The following ZNF638 variants were observed in gnomAD, a reference collection of about 807,000 sequenced individuals.
ZNF638 encodes CTCL tumor antigen se33-1.
In ZNF638, 46 loss-of-function variants were observed where a neutral mutation model predicts 195.6. That is an observed-to-expected ratio of 0.24 (90% CI 0.19 to 0.30). ZNF638 has a LOEUF of 0.30. Ranked by LOEUF, ZNF638 falls within the 10% of genes least tolerant of loss-of-function variation. The pLI is 1.00. For missense variants in ZNF638, 2,440 were observed against 2,325.3 expected, an observed-to-expected ratio of 1.05 and a Z score of -1.01; for synonymous variants, 845 against 772.0, an observed-to-expected ratio of 1.09 and a Z score of -1.57.
At chr2:71,433,453 C>T in intron 27 of ZNF638, 170 bp downstream of exon 27, 1 of 560,260 alleles carries the variant, frequency 1.8e-6, no homozygotes, top group South Asian at 2.3e-5. Context: ...AATTTCTAGT[C>T]CTTATTCCTT....
chr2:71,433,368 C>T, intron 27 of ZNF638, 85 bp downstream of exon 27: 8 of 981,422 alleles, frequency 8.2e-6, no homozygotes, highest in Non-Finnish European at 1.3e-5. Flanking sequence ...GTACATTTCC[C>T]CCCGCTTTAG....
rs1034925742 is a variant in ZNF638 at position 71,342,842 on chromosome 2, T to C, written c.-202-5911T>C. On this transcript the variant is annotated intron_variant, in intron 1 of 27. Coordinates refer to ENST00000264447, the MANE Select transcript of ZNF638 (RefSeq NM_014497.5). ...ATAGCTGACGTCTATCAAATAGTCC[T>C]GAGGGTGCGAAGACTAATGTTTTAG... 4.6e-5 allele frequency among the ~76,000 whole-genome samples: 7 copies of C among 152,164 alleles called. No homozygotes were observed. The South Asian group carries it at 1.4e-3, about 31-fold the overall frequency.
intron 8 of ZNF638, among the ~76,000 whole-genome samples, chr2:71,378,475 A>T (rs984862774): frequency 5.3e-5 from 8 of 152,232 alleles, no homozygotes; most frequent in Non-Finnish European, 4.4e-5. Context: ...GATGAAATTC[A>T]GATCAATTAA....
intron 10 of ZNF638, among the ~76,000 whole-genome samples, chr2:71,391,044 A>C (rs187120637): frequency 3.3e-5 from 5 of 152,254 alleles, no homozygotes; most frequent in Admixed American, 2.0e-4. Flanking sequence ...CTTTAAAGGG[A>C]GGGAAATAAC....
In ZNF638 at chr2:71,405,602, A is replaced by G; in HGVS notation, c.2960A>G (p.Glu987Gly). Residue 987 changes from glutamate (E) to glycine (G), a missense_variant and splice_region_variant, in exon 18 of 28, where the codon GAA (glutamate) becomes GGA (glycine). Glu to Gly is a moderately conservative substitution (Grantham distance 98). Around this residue, in one of 5 missense-constraint regions of ZNF638, gnomAD observed 1,883 missense variants for 1,739.1 expected, o/e 1.08. Transcript: ENST00000264447. ...APENMNIKDE[E>G]AIFITLVKEN... ...CCTTTATCTATTTTTGCTTTTTAGG[A>G]AGCTATATTTATAACCTTGGTAAAA... The G allele has an allele frequency of 6.4e-7, 1 of 1,565,158 alleles. No homozygotes were observed. Among genetic ancestry groups the G allele is most frequent in the South Asian group, 1.2e-5 (1 of 84,978 alleles).
At chr2:71,433,109 A>G (rs1269284540) in intron 26 of ZNF638, 56 bp from the exon 27 acceptor site, 25 of 1,286,584 alleles carry the variant, frequency 1.9e-5, no homozygotes, top group Non-Finnish European at 2.5e-5. Flanking sequence ...AAATCGATGA[A>G]CACAACTGGA....
At chr2:71,348,514 G>A in intron 1 of ZNF638, 8 of 1,158,322 alleles carry the variant, frequency 6.9e-6, no homozygotes, top group Non-Finnish European at 8.6e-6. Context: ...ACAGCACCCA[G>A]TGCAACACAA....
At chr2:71,390,129 C>T (rs776678695) in intron 10 of ZNF638, among the ~76,000 whole-genome samples, 4 of 152,144 alleles carry the variant, frequency 2.6e-5, no homozygotes, top group Non-Finnish European at 5.9e-5. Flanking sequence ...AAAGGGGAAA[C>T]GTTGGGCAAA....
chr2:71,418,451 A>G lies in ZNF638; in HGVS notation c.3262-151A>G, dbSNP rs560917416. On this transcript the variant is annotated intron_variant, in intron 20 of 27. Transcript: ENST00000264447. Reference sequence around the variant, plus strand: ...AATTAGAAAAAAATTCTAGAACCTGATAGTAATGTAGACACTGAAAACTAG... The same window carrying G: ...AATTAGAAAAAAATTCTAGAACCTGGTAGTAATGTAGACACTGAAAACTAG... The G allele has an allele frequency of 5.8e-4, 253 of 435,804 alleles. 6 individuals are homozygous for G. In the South Asian group the frequency reaches 0.017, roughly 29 times the overall value. The allele number at this position is 435,804 out of a possible 1,614,324, so 27.0% of individuals were successfully genotyped here.
chr2:71,398,595 A>G, intron 11 of ZNF638, 106 bp from the exon 12 acceptor site: 2 of 896,572 alleles, frequency 2.2e-6, no homozygotes, highest in Non-Finnish European at 1.8e-6. Context: ...TATGTTTTGA[A>G]TAAAACACAG....
intron 8 of ZNF638, among the ~76,000 whole-genome samples, chr2:71,374,214 T>A (rs2079375201): frequency 6.6e-6 from 1 of 152,248 alleles, no homozygotes; most frequent in African/African-American, 2.4e-5. Context: ...CAGCATAATA[T>A]AGGATTGGAA....
chr2:71,339,154 T>A, intron 1 of ZNF638, among the ~76,000 whole-genome samples: 1 of 135,208 alleles, frequency 7.4e-6, no homozygotes, highest in South Asian at 2.2e-4. Flanking sequence ...GTTTAGGTTT[T>A]TTTTTTTTTT....
At chr2:71,339,010 T>C (rs904458084) in intron 1 of ZNF638, among the ~76,000 whole-genome samples, 2 of 152,240 alleles carry the variant, frequency 1.3e-5, no homozygotes, top group Non-Finnish European at 2.9e-5. Context: ...CCTTTGTTTC[T>C]TTGTGCTAAC....
At chr2:71,395,764 C>G (rs899509969) in intron 10 of ZNF638, 5 of 386,778 alleles carry the variant, frequency 1.3e-5, no homozygotes, top group Non-Finnish European at 1.9e-5. Flanking sequence ...ATACCTGTGT[C>G]TGTGTACTTT....
chr2:71,355,161 G>C (rs1335742881), intron 2 of ZNF638, among the ~76,000 whole-genome samples: 1 of 151,934 alleles, frequency 6.6e-6, no homozygotes, highest in Non-Finnish European at 1.5e-5. Context: ...GTAGAGACAG[G>C]GTTTCACAGT....
chr2:71,363,335 T>G (rs1473720245), intron 4 of ZNF638, 144 bp downstream of exon 4: 1 of 615,572 alleles, frequency 1.6e-6, no homozygotes, highest in Admixed American at 3.0e-5. Context: ...ATCTTTAACT[T>G]ATTCCAGCTT....
At chr2:71,371,004 C>T (rs773381659) in intron 8 of ZNF638, among the ~76,000 whole-genome samples, 17 of 152,122 alleles carry the variant, frequency 1.1e-4, no homozygotes, top group Non-Finnish European at 2.1e-4. Context: ...CATAACCATC[C>T]TTCGACTTTC....
At chr2:71,333,499 G>T (rs974763660) in intron 1 of ZNF638, among the ~76,000 whole-genome samples, 3 of 152,108 alleles carry the variant, frequency 2.0e-5, no homozygotes, top group Non-Finnish European at 2.9e-5. Flanking sequence ...TATACGGCAG[G>T]TACTCTAGGT....
chr2:71,339,731 A>G (rs550736085), intron 1 of ZNF638, among the ~76,000 whole-genome samples: 1 of 152,244 alleles, frequency 6.6e-6, no homozygotes, highest in African/African-American at 2.4e-5. Flanking sequence ...CAGCATTTGA[A>G]TTTTAGAAAC....
Sources: gnomAD v4.1 joint callset for allele counts (sites outside exome capture counted in the v4.1 genomes callset) on GRCh38, gnomAD v4.1.1 for gene constraint, gnomAD v4.1.1 regional missense constraint, MANE v1.5 for transcripts, NCBI Gene and HGNC (gene_info 2026-07-23, HGNC 2026-07-21) for gene names.